Variants in NPAS3 observed in about 807,000 individuals in gnomAD.
The protein encoded by NPAS3 is neuronal PAS domain-containing protein 3.
A neutral mutation model predicts 73.1 loss-of-function variants in NPAS3; 14 were observed. The ratio of observed to expected loss-of-function variants is 0.19; its 90% CI spans 0.13 to 0.30. The LOEUF (loss-of-function observed/expected upper bound fraction) is 0.30, where lower values mean the gene tolerates loss of function less well. Ranked by LOEUF, NPAS3 falls within the 10% of genes least tolerant of loss-of-function variation. The pLI is 1.00. For missense variants in NPAS3, 1,096 were observed against 1,250.0 expected (o/e 0.88, Z 1.86); for synonymous variants, 620 against 541.5 (o/e 1.14, Z -2.01).
chr14:32,989,420 G>A (rs2038224334), intron 1 of NPAS3, among the ~76,000 whole-genome samples: 1 of 152,132 alleles, frequency 6.6e-6, no homozygotes, highest in African/African-American at 2.4e-5. Context: ...CGAGGCGGGC[G>A]GATCACGAGG....
chr14:33,173,435 T>C (rs1457347948), intron 2 of NPAS3, among the ~76,000 whole-genome samples: 10 of 152,184 alleles, frequency 6.6e-5, no homozygotes, highest in Admixed American at 6.5e-4. Context: ...TTCTGAATTA[T>C]ATATAGCAGA....
intron 3 of NPAS3, among the ~76,000 whole-genome samples, chr14:33,223,849 T>A (rs189760307): frequency 2.1e-4 from 32 of 149,714 alleles, no homozygotes; most frequent in East Asian, 9.7e-4. Context: ...AAAAAAAAAT[T>A]TTTTTTTGTT....
intron 2 of NPAS3, among the ~76,000 whole-genome samples, chr14:33,166,778 G>A (rs890151697): frequency 1.3e-5 from 2 of 152,064 alleles, no homozygotes; most frequent in Admixed American, 1.3e-4. Context: ...TGATGAATTT[G>A]GGGTGGAAAA....
At chr14:33,237,627 C>T (rs1398650640) in intron 3 of NPAS3, among the ~76,000 whole-genome samples, 1 of 151,992 alleles carries the variant, frequency 6.6e-6, no homozygotes, top group Non-Finnish European at 1.5e-5. Flanking sequence ...AGAGAGGCAA[C>T]ATGCTAGTTA....
chr14:33,688,763 C>T (rs532654176), intron 6 of NPAS3, among the ~76,000 whole-genome samples: 3 of 152,252 alleles, frequency 2.0e-5, no homozygotes, highest in Admixed American at 2.0e-4. Context: ...TCTTTTCCAC[C>T]CCATCCTACC....
At chr14:33,464,942 G>A (rs966257729) in intron 4 of NPAS3, among the ~76,000 whole-genome samples, 9 of 152,098 alleles carry the variant, frequency 5.9e-5, no homozygotes, top group African/African-American at 1.4e-4. Flanking sequence ...TGTTGTTATC[G>A]TCATCAGGTT....
chr14:33,680,449 GT>G (rs780387276), intron 6 of NPAS3, among the ~76,000 whole-genome samples: 3 of 152,200 alleles, frequency 2.0e-5, no homozygotes, highest in Non-Finnish European at 2.9e-5. Flanking sequence ...CCTAGATTTA[GT>G]TTCTGTTCCT....
rs1271980827 is a variant in NPAS3, at chr14:33,113,257, G to A, written c.140+57263G>A. On this transcript the variant is annotated intron_variant, in intron 2 of 11. Transcript: ENST00000356141. The stretch of plus-strand genomic sequence containing the variant: ...GCATTGAATCTATAAATTATCTTGG[G>A]TAGTATGGCCATTTTCATGATATTG... Among the ~76,000 whole-genome samples the A allele has an allele frequency of 1.4e-4, 21 of 152,190 alleles. No individual in the cohort carries two copies. The East Asian group carries it at 4.1e-3, about 29-fold the overall frequency.
intron 1 of NPAS3, among the ~76,000 whole-genome samples, chr14:32,945,457 C>T (rs2036211752): frequency 6.6e-6 from 1 of 152,174 alleles, no homozygotes; most frequent in Non-Finnish European, 1.5e-5. Context: ...TCCCCACTGA[C>T]CTATGAGGGA....
intron 4 of NPAS3, among the ~76,000 whole-genome samples, chr14:33,432,222 T>A (rs1293500732): frequency 1.3e-5 from 2 of 152,186 alleles, no homozygotes; most frequent in East Asian, 3.9e-4. Flanking sequence ...TGTACAGTCA[T>A]TGCTTAACAA....
intron 3 of NPAS3, among the ~76,000 whole-genome samples, chr14:33,225,195 A>G (rs1480162612): frequency 6.6e-6 from 1 of 152,250 alleles, no homozygotes; most frequent in Non-Finnish European, 1.5e-5. Flanking sequence ...GAAATTGGTT[A>G]GTCTGTTTAC....
intron 5 of NPAS3, among the ~76,000 whole-genome samples, chr14:33,582,840 C>T (rs1033446778): frequency 2.6e-5 from 4 of 151,998 alleles, no homozygotes; most frequent in Non-Finnish European, 5.9e-5. Context: ...ATAGTTCTAT[C>T]GAATAAGCAC....
intron 3 of NPAS3, among the ~76,000 whole-genome samples, chr14:33,291,929 A>T (rs919445994): frequency 6.6e-6 from 1 of 152,202 alleles, no homozygotes; most frequent in African/African-American, 2.4e-5. Flanking sequence ...CCTTGTTCTC[A>T]CCACTCATGA....
At chr14:33,628,317 G>A (rs1219353666) in intron 5 of NPAS3, among the ~76,000 whole-genome samples, 1 of 152,158 alleles carries the variant, frequency 6.6e-6, no homozygotes, top group Non-Finnish European at 1.5e-5. Context: ...TTCTCCAAAG[G>A]ATATTCAGTT....
At chr14:33,576,787 A>T (rs1436092021) in intron 5 of NPAS3, among the ~76,000 whole-genome samples, 1 of 152,298 alleles carries the variant, frequency 6.6e-6, no homozygotes, top group South Asian at 2.1e-4. Context: ...TGTTTGCGAG[A>T]CATTCCTACC....
At chr14:33,018,042 A>G (rs1381419520) in intron 1 of NPAS3, among the ~76,000 whole-genome samples, 1 of 152,202 alleles carries the variant, frequency 6.6e-6, no homozygotes, top group Non-Finnish European at 1.5e-5. Flanking sequence ...CAAACAAAAA[A>G]AAAGAAACTG....
chr14:33,438,426 G>A (rs965366990), intron 4 of NPAS3, among the ~76,000 whole-genome samples: 5 of 152,032 alleles, frequency 3.3e-5, no homozygotes, highest in Admixed American at 6.6e-5. Context: ...AAGCACAGGG[G>A]GAAAAAAAGA....
chr14:33,164,552 C>G (rs1453651136), intron 2 of NPAS3, among the ~76,000 whole-genome samples: 4 of 151,784 alleles, frequency 2.6e-5, no homozygotes, highest in Non-Finnish European at 5.9e-5. Flanking sequence ...AAAAAAACCA[C>G]AGAGATACAT....
intron 4 of NPAS3, among the ~76,000 whole-genome samples, chr14:33,550,256 C>T (rs2055047228): frequency 6.6e-6 from 1 of 152,168 alleles, no homozygotes; most frequent in African/African-American, 2.4e-5. Flanking sequence ...TGGGCTCACA[C>T]GATTCTCCTG....
Sources: gnomAD v4.1 joint callset for allele counts (sites outside exome capture counted in the v4.1 genomes callset) on GRCh38, gnomAD v4.1.1 for gene constraint, MANE v1.5 for transcripts, NCBI Gene and HGNC (gene_info 2026-07-23, HGNC 2026-07-21) for gene names.